PITPNC1: variants seen among roughly 807,000 people sequenced by gnomAD.
PITPNC1 encodes the protein cytoplasmic phosphatidylinositol transfer protein 1.
Under a neutral mutation model 44.7 loss-of-function variants are expected in PITPNC1, and 18 were observed. The ratio of observed to expected loss-of-function variants is 0.40; its 90% CI spans 0.28 to 0.60. The LOEUF (loss-of-function observed/expected upper bound fraction) is 0.60. PITPNC1 is among the 20% of genes least tolerant of loss of function. PITPNC1 has a pLI of 0.39. For synonymous variants in PITPNC1, 141 were observed against 149.6 expected, an observed-to-expected ratio of 0.94 and a Z score of 0.42; for missense variants, 290 against 418.4, an observed-to-expected ratio of 0.69 and a Z score of 2.68.
intron 1 of PITPNC1, among the ~76,000 whole-genome samples, chr17:67,462,970 A>G (rs2039364842): frequency 6.6e-6 from 1 of 152,208 alleles, no homozygotes; most frequent in African/African-American, 2.4e-5. Context: ...CCAAAGTGCT[A>G]GGATTACAGG....
At chr17:67,655,905 G>A (rs960733248) in intron 6 of PITPNC1, among the ~76,000 whole-genome samples, 13 of 152,086 alleles carry the variant, frequency 8.5e-5, no homozygotes, top group African/African-American at 3.1e-4. Context: ...ACTCCAGCCT[G>A]GGAGATAAGA....
At chr17:67,604,644 G>A (rs1450379981) in intron 5 of PITPNC1, among the ~76,000 whole-genome samples, 1 of 152,068 alleles carries the variant, frequency 6.6e-6, no homozygotes, top group Admixed American at 6.6e-5. Flanking sequence ...TTAGCCAGGC[G>A]TGAAAGCATG....
intron 2 of PITPNC1, among the ~76,000 whole-genome samples, chr17:67,538,559 C>T (rs2040561701): frequency 6.6e-6 from 1 of 152,082 alleles, no homozygotes; most frequent in Non-Finnish European, 1.5e-5. Flanking sequence ...AAGATCGTGC[C>T]ACTGCACTCC....
At chr17:67,462,515 A>G (rs200475306) in intron 1 of PITPNC1, among the ~76,000 whole-genome samples, 1 of 151,570 alleles carries the variant, frequency 6.6e-6, no homozygotes. Context: ...TACAGGCGTG[A>G]GCCACCGTGC....
intron 6 of PITPNC1, among the ~76,000 whole-genome samples, chr17:67,651,901 A>T (rs2042213491): frequency 6.6e-6 from 1 of 152,200 alleles, no homozygotes; most frequent in Admixed American, 6.5e-5. Flanking sequence ...ATTCAGGGCT[A>T]AACTTTACTT....
At position 67,378,160 on chromosome 17, in the gene PITPNC1, G is replaced by T. The variant is rs1178674128; in HGVS notation, c.6G>T (p.Leu2=). 1 of 1,546,842 alleles carries T rather than the reference G, an allele frequency of 6.5e-7. No homozygotes were observed. M[L]LKEYRICMPL... ...GGTCCGCGGCCGGCAGGACCATGCT[G>T]CTGAAAGAGTACCGGATCTGCATGC... Residue 2 remains leucine, a synonymous_variant, in exon 1 of 9, where the codon CTG becomes CTT. Coordinates refer to ENST00000581322, the MANE Select transcript of PITPNC1 (RefSeq NM_012417.4).
chr17:67,621,180 CATTTTATTTT>C (rs10653389), intron 5 of PITPNC1, among the ~76,000 whole-genome samples: 2,539 of 129,828 alleles, frequency 0.02, 86 homozygotes, highest in African/African-American at 0.067. Context: ...GTCTGAAGCA[CATTTTATTTT>C]ATTTTATTTT....
At chr17:67,458,862 T>C (rs1030624365) in intron 1 of PITPNC1, among the ~76,000 whole-genome samples, 13 of 152,076 alleles carry the variant, frequency 8.5e-5, no homozygotes, top group African/African-American at 3.1e-4. Context: ...ATCTCAGGAG[T>C]GTCACTGCCT....
chr17:67,608,991 AT>A (rs2041652281), intron 5 of PITPNC1, among the ~76,000 whole-genome samples: 1 of 151,746 alleles, frequency 6.6e-6, no homozygotes, highest in Non-Finnish European at 1.5e-5. Context: ...TTTCCCCAAC[AT>A]GCATGGCTTC....
chr17:67,631,657 A>AAAAATATATATATAT (rs1555574522), intron 5 of PITPNC1, among the ~76,000 whole-genome samples: 6 of 7,674 alleles, frequency 7.8e-4, no homozygotes, highest in African/African-American at 1.1e-3. Flanking sequence ...AAAAAAAAAA[A>AAAAATATATATATAT]ATATATATAT....
intron 1 of PITPNC1, among the ~76,000 whole-genome samples, chr17:67,497,877 T>TC (rs60876490): frequency 1.3e-5 from 2 of 150,890 alleles, no homozygotes; most frequent in African/African-American, 4.9e-5. Context: ...TTTTTTTTTT[T>TC]CAAGATGGAG....
At chr17:67,496,542 A>G (rs962345138) in intron 1 of PITPNC1, among the ~76,000 whole-genome samples, 4 of 152,088 alleles carry the variant, frequency 2.6e-5, no homozygotes, top group African/African-American at 9.7e-5. Context: ...CGTGTTTACT[A>G]TGGAATTATC....
chr17:67,661,955 A>C (rs1195846146), intron 6 of PITPNC1, among the ~76,000 whole-genome samples: 1 of 151,718 alleles, frequency 6.6e-6, no homozygotes. Flanking sequence ...AGATCACGCC[A>C]CTGCACTCCA....
chr17:67,402,257 T>C (rs1033824803), intron 1 of PITPNC1, among the ~76,000 whole-genome samples: 2 of 152,244 alleles, frequency 1.3e-5, no homozygotes, highest in Admixed American at 6.5e-5. Flanking sequence ...TGCCTTTTGC[T>C]TTTTCTTTTC....
At chr17:67,669,458 T>A in intron 6 of PITPNC1, 50 bp from the exon 7 acceptor site, 2 of 1,282,746 alleles carry the variant, frequency 1.6e-6, no homozygotes, top group Non-Finnish European at 2.2e-6. Flanking sequence ...CATTTAATAA[T>A]GATGGTCAAA....
At chr17:67,486,489 G>A (rs1027386615) in intron 1 of PITPNC1, among the ~76,000 whole-genome samples, 3 of 152,122 alleles carry the variant, frequency 2.0e-5, no homozygotes, top group Non-Finnish European at 2.9e-5. Context: ...GGCATTGATC[G>A]GAGATGGTAG....
At chr17:67,408,682 C>T (rs1272058451) in intron 1 of PITPNC1, 1 of 15,012 alleles carries the variant, frequency 6.7e-5, no homozygotes, top group Non-Finnish European at 2.0e-4. Flanking sequence ...CTCTTTCTTC[C>T]TTCCTTCCTT....
intron 4 of PITPNC1, among the ~76,000 whole-genome samples, chr17:67,562,879 T>C (rs1378393192): frequency 1.3e-5 from 2 of 152,184 alleles, no homozygotes; most frequent in Admixed American, 6.5e-5. Context: ...AATGGGGAGA[T>C]AAAAATTTTT....
At chr17:67,683,883 CG>C (rs1451120877) in intron 8 of PITPNC1, among the ~76,000 whole-genome samples, 1 of 148,996 alleles carries the variant, frequency 6.7e-6, no homozygotes, top group Non-Finnish European at 1.5e-5. Context: ...GAGGCTGAGG[CG>C]GGAGAATCAC....
Sources: allele counts gnomAD v4.1 joint callset (sites outside exome capture counted in the v4.1 genomes callset), GRCh38; gene constraint gnomAD v4.1.1; transcripts MANE v1.5; gene names NCBI Gene and HGNC (gene_info 2026-07-23, HGNC 2026-07-21).